SLC25A21: variants seen among roughly 807,000 people sequenced by gnomAD.
SLC25A21 encodes solute carrier family 25 member 21.
Under a neutral mutation model 43.8 loss-of-function variants are expected in SLC25A21, and 47 were observed. That is an observed-to-expected ratio of 1.07 (90% CI 0.85 to 1.37). The LOEUF (loss-of-function observed/expected upper bound fraction) is 1.37. SLC25A21 is among the 40% of genes most tolerant of loss of function. The pLI, the probability that SLC25A21 is intolerant of heterozygous loss-of-function variation, is 0.00. For synonymous variants in SLC25A21, 131 were observed against 121.3 expected, an observed-to-expected ratio of 1.08 and a Z score of -0.52; for missense variants, 352 against 350.2, an observed-to-expected ratio of 1.00 and a Z score of -0.04.
Position 36,679,551 on chromosome 14 carries a change from A to ATAT in SLC25A21, c.*1104_*1106dup, listed in dbSNP as rs1882100114. The ATAT allele has an allele frequency of 2.0e-6, 2 of 985,240 alleles. No individual in the cohort carries two copies. Among genetic ancestry groups the ATAT allele is most frequent in the African/African-American group, 1.7e-5 (1 of 57,226 alleles). The allele number at this position is 985,240 out of a possible 1,614,324, so 61.0% of individuals were successfully genotyped here. ...GTTTGGTTACATCAAGACCAAGGAG[A>ATAT]TATTTTTGTTGATACATGTTAGTAT... On this transcript the variant is annotated 3_prime_UTR_variant, in exon 10 of 10. Coordinates refer to ENST00000331299, the MANE Select transcript of SLC25A21 (RefSeq NM_030631.4).
At chr14:36,898,215 A>C (rs1202779433) in intron 1 of SLC25A21, among the ~76,000 whole-genome samples, 2 of 151,952 alleles carry the variant, frequency 1.3e-5, no homozygotes, top group African/African-American at 2.4e-5. Context: ...TTGTTTACCC[A>C]CTCAAGCCTC....
intron 1 of SLC25A21, among the ~76,000 whole-genome samples, chr14:37,051,344 A>G (rs1001605606): frequency 9.2e-5 from 14 of 152,342 alleles, no homozygotes; most frequent in African/African-American, 3.1e-4. Context: ...GGAAACTACA[A>G]ATGGGAAACG....
intron 3 of SLC25A21, among the ~76,000 whole-genome samples, chr14:36,744,473 T>C (rs765960238): frequency 2.3e-4 from 35 of 152,020 alleles, no homozygotes; most frequent in African/African-American, 4.3e-4. Flanking sequence ...TCTGGGAAAA[T>C]TGGAGAGCCA....
At chr14:37,107,195 C>G (rs942490959) in intron 1 of SLC25A21, among the ~76,000 whole-genome samples, 1 of 151,928 alleles carries the variant, frequency 6.6e-6, no homozygotes, top group Admixed American at 6.6e-5. Flanking sequence ...CTCTGAAATA[C>G]AGCAGTGGGT....
chr14:36,831,346 T>G (rs527659328), intron 2 of SLC25A21, among the ~76,000 whole-genome samples: 1 of 152,244 alleles, frequency 6.6e-6, no homozygotes, highest in African/African-American at 2.4e-5. Context: ...TGTAAGACAC[T>G]GTATTGTAGG....
At chr14:37,072,280 G>A (rs1307546070) in intron 1 of SLC25A21, among the ~76,000 whole-genome samples, 2 of 151,432 alleles carry the variant, frequency 1.3e-5, no homozygotes, top group African/African-American at 4.9e-5. Context: ...CTCAAATTCT[G>A]AGAGGACTCT....
intron 1 of SLC25A21, among the ~76,000 whole-genome samples, chr14:37,032,310 TG>T (rs1961230974): frequency 6.6e-6 from 1 of 151,952 alleles, no homozygotes; most frequent in South Asian, 2.1e-4. Context: ...CTGAGGCTGG[TG>T]GATCACGAGG....
intron 2 of SLC25A21, among the ~76,000 whole-genome samples, chr14:36,835,540 C>A (rs1448139042): frequency 1.3e-5 from 2 of 152,160 alleles, no homozygotes; most frequent in East Asian, 1.9e-4. Context: ...TAAATGGCCA[C>A]AAAGCCAAAA....
chr14:36,997,578 C>G lies in SLC25A21; in HGVS notation c.71-122574G>C, dbSNP rs151256960. Among the ~76,000 whole-genome samples, 1,033 of 152,164 alleles carry G rather than the reference C, an allele frequency of 6.8e-3. 14 individuals carry two copies. The highest frequency in any genetic ancestry group is 0.022 in the African/African-American group (913 of 41,538). On this transcript the variant is annotated intron_variant, in intron 1 of 9. Coordinates refer to ENST00000331299, the MANE Select transcript of SLC25A21 (RefSeq NM_030631.4). ...GCACAATGGCTCATGCCTGTAATCC[C>G]AGCACTTTGGGAAGCTGAGGTGGGT...
At chr14:37,150,504 A>G (rs1279651422) in intron 1 of SLC25A21, among the ~76,000 whole-genome samples, 2 of 152,210 alleles carry the variant, frequency 1.3e-5, no homozygotes, top group East Asian at 1.9e-4. Context: ...CCCAAAGTAC[A>G]GTCTGTATTT....
At chr14:36,884,318 C>T (rs1164035106) in intron 1 of SLC25A21, among the ~76,000 whole-genome samples, 1 of 152,172 alleles carries the variant, frequency 6.6e-6, no homozygotes, top group African/African-American at 2.4e-5. Context: ...ACAGGATTTC[C>T]TTCTTTTTCA....
chr14:37,163,294 T>TAATAAATAAATA (rs34749912), intron 1 of SLC25A21, among the ~76,000 whole-genome samples: 7 of 147,698 alleles, frequency 4.7e-5, no homozygotes, highest in Non-Finnish European at 9.0e-5. Context: ...AGTATAATAA[T>TAATAAATAAATA]AATAAATAAA....
At chr14:36,877,599 T>TGC (rs1890576637) in intron 1 of SLC25A21, among the ~76,000 whole-genome samples, 1 of 151,596 alleles carries the variant, frequency 6.6e-6, no homozygotes, top group Non-Finnish European at 1.5e-5. Context: ...TGGGAGGAGG[T>TGC]GCAATGCTCA....
chr14:36,685,981 T>C (rs1882520433), intron 7 of SLC25A21, among the ~76,000 whole-genome samples: 1 of 152,142 alleles, frequency 6.6e-6, no homozygotes, highest in African/African-American at 2.4e-5. Context: ...ATCAATATTT[T>C]AGAGGGATCA....
At chr14:37,079,761 T>C (rs1455012296) in intron 1 of SLC25A21, among the ~76,000 whole-genome samples, 1 of 152,202 alleles carries the variant, frequency 6.6e-6, no homozygotes, top group African/African-American at 2.4e-5. Flanking sequence ...AGTTGGAACA[T>C]GCCATTATCA....
intron 1 of SLC25A21, among the ~76,000 whole-genome samples, chr14:37,075,673 C>T (rs1336780063): frequency 6.6e-6 from 1 of 152,012 alleles, no homozygotes; most frequent in Non-Finnish European, 1.5e-5. Context: ...AGAAGACATC[C>T]CAGTTTATCT....
At chr14:37,081,325 A>G (rs1046575497) in intron 1 of SLC25A21, among the ~76,000 whole-genome samples, 4 of 152,200 alleles carry the variant, frequency 2.6e-5, no homozygotes, top group Non-Finnish European at 5.9e-5. Flanking sequence ...GTTGTAATTG[A>G]GAAGATGTGT....
intron 1 of SLC25A21, among the ~76,000 whole-genome samples, chr14:37,055,684 C>T (rs1410674369): frequency 2.0e-5 from 3 of 152,096 alleles, no homozygotes; most frequent in African/African-American, 7.2e-5. Context: ...TTCAACCATC[C>T]CCACCAAGGC....
chr14:36,831,929 CA>C (rs1176202866), intron 2 of SLC25A21, among the ~76,000 whole-genome samples: 1 of 152,148 alleles, frequency 6.6e-6, no homozygotes, highest in Non-Finnish European at 1.5e-5. Flanking sequence ...ATTTTAGTCA[CA>C]GCAGAAAAGA....
Sources: allele counts gnomAD v4.1 joint callset (sites outside exome capture counted in the v4.1 genomes callset), GRCh38; gene constraint gnomAD v4.1.1; transcripts MANE v1.5; gene names NCBI Gene and HGNC (gene_info 2026-07-23, HGNC 2026-07-21).